Variants in SULT6B1 observed in about 807,000 individuals in gnomAD.
SULT6B1 encodes sulfotransferase 6B1.
Under a neutral mutation model 37.2 loss-of-function variants are expected in SULT6B1, and 44 were observed. That is an observed-to-expected ratio of 1.18 (90% CI 0.93 to 1.52). The LOEUF is 1.52. Ranked by LOEUF, SULT6B1 falls within the 40% of genes most tolerant of loss-of-function variation. The pLI is 0.00. For synonymous variants in SULT6B1, 140 were observed against 126.0 expected (o/e 1.11, Z -0.74); for missense variants, 450 against 361.0 (o/e 1.25, Z -2.00).
chr2:37,193,609 G>GAAGAAGAAGAAT (rs1676829415), upstream of SULT6B1, among the ~76,000 whole-genome samples: 2 of 135,980 alleles, frequency 1.5e-5, no homozygotes, highest in Admixed American at 1.4e-4. Context: ...AGAAGAAGAA[G>GAAGAAGAAGAAT]AAGAAGAAGA....
chr2:37,174,044 C>T (rs1676361375), intron 5 of SULT6B1, among the ~76,000 whole-genome samples: 1 of 152,080 alleles, frequency 6.6e-6, no homozygotes, highest in African/African-American at 2.4e-5. Flanking sequence ...TGGTTTATTC[C>T]TACTGACCCA....
intron 5 of SULT6B1, among the ~76,000 whole-genome samples, chr2:37,172,344 T>G (rs1481638824): frequency 1.3e-5 from 2 of 152,172 alleles, no homozygotes; most frequent in Non-Finnish European, 2.9e-5. Context: ...TTCCTAAATC[T>G]ATTTGAATAA....
intron 3 of SULT6B1, 103 bp from the exon 4 acceptor site, chr2:37,179,687 T>A: frequency 1.9e-6 from 2 of 1,034,464 alleles, no homozygotes; most frequent in South Asian, 3.1e-5. Flanking sequence ...TATTACATAA[T>A]TGTGTTAATA....
chr2:37,175,604 G>A (rs1411157582), intron 4 of SULT6B1, among the ~76,000 whole-genome samples: 2 of 152,068 alleles, frequency 1.3e-5, no homozygotes, highest in Non-Finnish European at 1.5e-5. Flanking sequence ...CTAGACCATC[G>A]TTGTTCAATA....
intron 5 of SULT6B1, among the ~76,000 whole-genome samples, chr2:37,172,501 G>A (rs1399658215): frequency 1.3e-5 from 2 of 151,804 alleles, no homozygotes; most frequent in East Asian, 1.9e-4. Flanking sequence ...AGAAAGGGTC[G>A]ATTAAATCTC....
upstream of SULT6B1, chr2:37,190,009 C>G (rs1676750123): frequency 6.6e-6 from 1 of 152,226 alleles, no homozygotes; most frequent in South Asian, 2.1e-4. Flanking sequence ...AAGAGAGCCA[C>G]CCTCCCATGA....
At chr2:37,187,243 T>C (rs944420915) in intron 2 of SULT6B1, 112 bp downstream of exon 2, 3 of 687,906 alleles carry the variant, frequency 4.4e-6, no homozygotes, top group Admixed American at 2.6e-5. Flanking sequence ...ACACAGTAAA[T>C]TGTGGTAATT....
upstream of SULT6B1, among the ~76,000 whole-genome samples, chr2:37,192,518 A>T (rs894102648): frequency 6.6e-6 from 1 of 152,344 alleles, no homozygotes; most frequent in South Asian, 2.1e-4. Context: ...TCCCACTTGA[A>T]GGCCTTCTTG....
At chr2:37,194,950 T>TTCCTTCCC (rs1676876666) in intron 1 of SULT6B1, among the ~76,000 whole-genome samples, 5 of 86,006 alleles carry the variant, frequency 5.8e-5, no homozygotes, top group Non-Finnish European at 1.1e-4. Context: ...CCTTCCTTCC[T>TTCCTTCCC]TCCTTCCTTC....
chr2:37,190,590 A>G (rs1169019393), upstream of SULT6B1, among the ~76,000 whole-genome samples: 1 of 152,200 alleles, frequency 6.6e-6, no homozygotes, highest in African/African-American at 2.4e-5. Flanking sequence ...TGGCTTCTAG[A>G]AGACGAGAGG....
At chr2:37,173,816 G>A (rs1572456331) in intron 5 of SULT6B1, among the ~76,000 whole-genome samples, 1 of 152,108 alleles carries the variant, frequency 6.6e-6, no homozygotes, top group African/African-American at 2.4e-5. Context: ...CCTTTGCCTG[G>A]ACTATTGCAG....
At chr2:37,187,156 A>G (rs1033301752) in intron 2 of SULT6B1, among the ~76,000 whole-genome samples, 199 bp downstream of exon 2, 4 of 152,210 alleles carry the variant, frequency 2.6e-5, no homozygotes, top group African/African-American at 7.2e-5. Context: ...TAGCATTTCT[A>G]TCTTTTGTGA....
Position 37,182,903 on chromosome 2 carries a change from G to A in SULT6B1, c.402+522C>T, listed in dbSNP as rs559418879. Among the ~76,000 whole-genome samples the A allele has an allele frequency of 7.9e-4, 121 of 152,252 alleles. 1 individual carries two copies. The South Asian group carries it at 0.02, about 25-fold the overall frequency. ...AATTCAAAAATAAAATAGTTTCAGCGAGGCATGGTGTCCCATGCCTGTAAT... is the reference window on the plus strand; with the variant it reads ...AATTCAAAAATAAAATAGTTTCAGCAAGGCATGGTGTCCCATGCCTGTAAT... On this transcript the variant is annotated intron_variant, in intron 3 of 6. Coordinates refer to ENST00000535679, the MANE Select transcript of SULT6B1 (RefSeq NM_001367551.1).
chr2:37,176,407 A>G (rs1473953328), intron 4 of SULT6B1, among the ~76,000 whole-genome samples: 2 of 151,644 alleles, frequency 1.3e-5, no homozygotes, highest in African/African-American at 4.8e-5. Flanking sequence ...CTACAGGCAC[A>G]CACCACCATG....
chr2:37,193,771 A>G (rs1285912295), intron 1 of SULT6B1, among the ~76,000 whole-genome samples: 1 of 152,186 alleles, frequency 6.6e-6, no homozygotes, highest in Admixed American at 6.5e-5. Flanking sequence ...GGAGGTCCCT[A>G]TGGCCACTAC....
chr2:37,183,556 G>T, intron 2 of SULT6B1, 42 bp from the exon 3 acceptor site: 2 of 1,453,598 alleles, frequency 1.4e-6, no homozygotes, highest in Non-Finnish European at 1.9e-6. Context: ...GCACGTGTGT[G>T]CATGTGTGTG....
chr2:37,171,347 G>T, intron 6 of SULT6B1, 87 bp downstream of exon 6: 1 of 1,485,128 alleles, frequency 6.7e-7, no homozygotes, highest in Non-Finnish European at 9.1e-7. Context: ...AACCCTATCT[G>T]ACTTAAGATG....
At chr2:37,186,680 C>T (rs1403951373) in intron 2 of SULT6B1, among the ~76,000 whole-genome samples, 2 of 151,976 alleles carry the variant, frequency 1.3e-5, no homozygotes, top group Admixed American at 6.6e-5. Flanking sequence ...TCACTTGAGC[C>T]CAGGAGTTCA....
intron 2 of SULT6B1, among the ~76,000 whole-genome samples, chr2:37,186,522 C>T (rs955140345): frequency 6.6e-6 from 1 of 152,128 alleles, no homozygotes; most frequent in Admixed American, 6.6e-5. Flanking sequence ...ACATCAGTGG[C>T]GTACTCTCTG....
Sources: allele counts gnomAD v4.1 joint callset (sites outside exome capture counted in the v4.1 genomes callset), GRCh38; gene constraint gnomAD v4.1.1; transcripts MANE v1.5; gene names NCBI Gene and HGNC (gene_info 2026-07-23, HGNC 2026-07-21).